Variants in ADCK1 observed in about 807,000 individuals in gnomAD.
The protein encoded by ADCK1 is aarF domain containing kinase 1.
ADCK1 carries 41 observed loss-of-function variants against 52.3 expected under a neutral mutation model. The observed-to-expected ratio is 0.78, with a 90% confidence interval of 0.61 to 1.02. The LOEUF (loss-of-function observed/expected upper bound fraction) is 1.02. ADCK1 is among the 50% of genes least tolerant of loss of function. The pLI, the probability that ADCK1 is intolerant of heterozygous loss-of-function variation, is 0.00. For missense variants in ADCK1, 658 were observed against 679.5 expected (o/e 0.97, Z 0.35); for synonymous variants, 250 against 274.6 (o/e 0.91, Z 0.89).
intron 5 of ADCK1, among the ~76,000 whole-genome samples, chr14:77,894,559 A>G (rs56266371): frequency 0.023 from 3,508 of 152,130 alleles, 64 homozygotes; most frequent in Middle Eastern, 0.071. Context: ...TGTTTTGACA[A>G]TTCCTGTTTT....
At chr14:77,810,981 G>A (rs756632569) in intron 1 of ADCK1, among the ~76,000 whole-genome samples, 1 of 151,690 alleles carries the variant, frequency 6.6e-6, no homozygotes, top group South Asian at 2.1e-4. Flanking sequence ...TCTAATTTAA[G>A]GTCGGTTTCT....
intron 4 of ADCK1, among the ~76,000 whole-genome samples, chr14:77,880,806 C>T (rs981329125): frequency 1.3e-5 from 2 of 152,234 alleles, no homozygotes; most frequent in Non-Finnish European, 2.9e-5. Flanking sequence ...TGCCTTTGGA[C>T]GTCTCCTCAT....
At chr14:77,805,986 G>A (rs2081216049) in intron 1 of ADCK1, among the ~76,000 whole-genome samples, 1 of 112,734 alleles carries the variant, frequency 8.9e-6, no homozygotes, top group Non-Finnish European at 1.8e-5. Flanking sequence ...TATTCTTACG[G>A]CTTTTTTTTT....
chr14:77,876,986 G>C (rs369833940), intron 4 of ADCK1, among the ~76,000 whole-genome samples: 1 of 152,176 alleles, frequency 6.6e-6, no homozygotes, highest in African/African-American at 2.4e-5. Context: ...AGGCCAAGGC[G>C]GGTGGATCAC....
At chr14:77,884,214 T>TTG (rs763107030) in intron 4 of ADCK1, among the ~76,000 whole-genome samples, 51 of 152,338 alleles carry the variant, frequency 3.3e-4, no homozygotes, top group Non-Finnish European at 6.5e-4. Flanking sequence ...CCCAAATCCC[T>TTG]TTTCAGTGGG....
Position 77,829,586 on chromosome 14 carries a change from C to T in ADCK1, c.219+7068C>T, listed in dbSNP as rs1381285102. ...TGCTGGGATTATGGGCATGAGCCACCGTATCTGGGCAAAAAACTATGAAAT... is the reference window on the plus strand; with the variant it reads ...TGCTGGGATTATGGGCATGAGCCACTGTATCTGGGCAAAAAACTATGAAAT... On this transcript the variant is annotated intron_variant, in intron 3 of 10. Transcript: ENST00000238561. Among the ~76,000 whole-genome samples, 16 of 151,396 alleles carry T rather than the reference C, an allele frequency of 1.1e-4. 1 individual carries two copies. The highest frequency in any genetic ancestry group is 1.1e-3 in the South Asian group (5 of 4,754).
intron 7 of ADCK1, among the ~76,000 whole-genome samples, chr14:77,909,972 CT>C (rs2083756028): frequency 6.6e-6 from 1 of 152,184 alleles, no homozygotes; most frequent in Non-Finnish European, 1.5e-5. Flanking sequence ...TGATTTCACT[CT>C]TCCTGTTAGG....
chr14:77,930,784 G>A (rs1035395426), intron 9 of ADCK1, among the ~76,000 whole-genome samples: 5 of 152,140 alleles, frequency 3.3e-5, no homozygotes, highest in East Asian at 1.9e-4. Context: ...GGTGCTTATC[G>A]TCACCATCAT....
intron 3 of ADCK1, among the ~76,000 whole-genome samples, chr14:77,857,312 C>CA (rs1312605487): frequency 1.3e-5 from 2 of 151,748 alleles, no homozygotes; most frequent in African/African-American, 4.8e-5. Flanking sequence ...GACCCTTTCT[C>CA]AAAAAAAATT....
At chr14:77,888,570 G>T (rs1489290212) in intron 5 of ADCK1, among the ~76,000 whole-genome samples, 1 of 152,118 alleles carries the variant, frequency 6.6e-6, no homozygotes, top group East Asian at 1.9e-4. Flanking sequence ...TTGAGCTGCT[G>T]CATGGGTCTG....
rs140396391 is a variant in ADCK1, at chr14:77,920,874, G to A, written c.859-3583G>A. ...TATGTTGCCCAGGCTGGTCTGAAACGCCTGTCCTCAAGCAATTATCCCTCC... is the reference window on the plus strand; with the variant it reads ...TATGTTGCCCAGGCTGGTCTGAAACACCTGTCCTCAAGCAATTATCCCTCC... On this transcript the variant is annotated intron_variant, in intron 7 of 10. Coordinates refer to ENST00000238561, the MANE Select transcript of ADCK1 (RefSeq NM_020421.4). 6.6e-5 allele frequency among the ~76,000 whole-genome samples: 10 copies of A among 152,048 alleles called. No homozygotes were observed. In the East Asian group the frequency reaches 1.8e-3, roughly 27 times the overall value.
At chr14:77,906,182 A>T (rs1237956263) in intron 6 of ADCK1, among the ~76,000 whole-genome samples, 3 of 152,230 alleles carry the variant, frequency 2.0e-5, no homozygotes, top group African/African-American at 2.4e-5. Flanking sequence ...AGGAACAGGA[A>T]ATAGGTCTGT....
chr14:77,828,400 A>G (rs1187652065), intron 3 of ADCK1, among the ~76,000 whole-genome samples: 1 of 152,234 alleles, frequency 6.6e-6, no homozygotes, highest in African/African-American at 2.4e-5. Context: ...TCCTGAGCAT[A>G]GGGTTAGCCT....
At chr14:77,812,365 A>G (rs2364840) in intron 1 of ADCK1, among the ~76,000 whole-genome samples, 101,019 of 152,014 alleles carry the variant, frequency 0.66, 33,729 homozygotes, top group South Asian at 0.77. Context: ...ATTCCACCTA[A>G]GAGTGAGATC....
intron 9 of ADCK1, among the ~76,000 whole-genome samples, chr14:77,927,798 G>A (rs143532675): frequency 1.4e-4 from 22 of 152,358 alleles, no homozygotes; most frequent in African/African-American, 4.8e-4. Context: ...AGAGCGTGGT[G>A]AGGAGGACGG....
rs148834751 is a variant in ADCK1, at chr14:77,848,321, G to A, written c.220-10755G>A. On this transcript the variant is annotated intron_variant, in intron 3 of 10. Coordinates refer to ENST00000238561, the MANE Select transcript of ADCK1 (RefSeq NM_020421.4). ...TCAAACCCTGAATCTACTATTTACTGGCTGAGTAAGCTTGGTAAGACCTCT... is the reference window on the plus strand; with the variant it reads ...TCAAACCCTGAATCTACTATTTACTAGCTGAGTAAGCTTGGTAAGACCTCT... 2.3e-3 allele frequency among the ~76,000 whole-genome samples: 351 copies of A among 152,316 alleles called. 4 individuals carry two copies. The highest frequency in any genetic ancestry group is 8.1e-3 in the African/African-American group (335 of 41,574).
At chr14:77,846,095 G>A (rs1334666999) in intron 3 of ADCK1, among the ~76,000 whole-genome samples, 1 of 152,068 alleles carries the variant, frequency 6.6e-6, no homozygotes, top group Non-Finnish European at 1.5e-5. Flanking sequence ...TGCCACATGG[G>A]GCCTCTCTTG....
At chr14:77,863,170 G>A (rs1203837159) in intron 4 of ADCK1, among the ~76,000 whole-genome samples, 1 of 152,188 alleles carries the variant, frequency 6.6e-6, no homozygotes, top group Non-Finnish European at 1.5e-5. Context: ...CAGAATGTGA[G>A]TCTGAGGGAG....
At chr14:77,811,635 A>G (rs2081340650) in intron 1 of ADCK1, among the ~76,000 whole-genome samples, 2 of 152,188 alleles carry the variant, frequency 1.3e-5, no homozygotes, top group Admixed American at 6.5e-5. Context: ...AGACCCTGTC[A>G]CTACAAAATT....
Sources: allele counts gnomAD v4.1 joint callset (sites outside exome capture counted in the v4.1 genomes callset), GRCh38; gene constraint gnomAD v4.1.1; transcripts MANE v1.5; gene names NCBI Gene and HGNC (gene_info 2026-07-23, HGNC 2026-07-21).